Variants in ZNF264 observed in about 807,000 individuals in gnomAD.
The protein encoded by ZNF264 is zinc finger protein 264.
In ZNF264, 11 loss-of-function variants were observed where a neutral mutation model predicts 11.2. The ratio of observed to expected loss-of-function variants is 0.98; its 90% CI spans 0.62 to 1.63. The LOEUF (loss-of-function observed/expected upper bound fraction) is 1.63, where lower values mean the gene tolerates loss of function less well. Ranked by LOEUF, ZNF264 falls within the 40% of genes most tolerant of loss-of-function variation. The pLI is 0.00. For missense variants in ZNF264, 752 were observed against 768.1 expected (o/e 0.98, Z 0.25); for synonymous variants, 309 against 279.8 (o/e 1.10, Z -1.04).
chr19:57,208,588 G>T (rs1227950164), intron 3 of ZNF264, among the ~76,000 whole-genome samples: 1 of 151,496 alleles, frequency 6.6e-6, no homozygotes, highest in Non-Finnish European at 1.5e-5. Context: ...ATGAACCAGA[G>T]GCAAAAAAAA....
rs2087381528 is a variant in ZNF264 at position 57,216,548 on chromosome 19, T to C, written c.*3567T>C. The C allele has an allele frequency of 6.6e-6, 1 of 152,254 alleles. No homozygotes were observed. Among genetic ancestry groups the C allele is most frequent in the African/African-American group, 2.4e-5 (1 of 41,470 alleles). The allele number at this position is 152,254 out of a possible 1,614,324, so 9.4% of individuals were successfully genotyped here. ...TGCCTTTTAATAGTCTTGTCAATAC[T>C]TTACCTGATGTTCTCATAGTGACTC... On this transcript the variant is annotated 3_prime_UTR_variant, in exon 4 of 4. Coordinates refer to ENST00000263095, the MANE Select transcript of ZNF264 (RefSeq NM_003417.5).
chr19:57,212,611 ATAG>A lies in ZNF264; in HGVS notation c.1516_1518del (p.Ser506del). 6.2e-7 allele frequency: 1 copy of A among 1,614,192 alleles called. No homozygotes were observed. The highest frequency in any genetic ancestry group is 8.5e-7 in the Non-Finnish European group (1 of 1,180,038). On this transcript the variant is annotated inframe_deletion, in exon 4 of 4. Transcript: ENST00000263095. Reference sequence around the variant, plus strand: ...GGCCTCACGAGGCACAAGCGGATTCATAGTGGAGAGAAGCCCTATGAATGTGTT... The same window carrying A: ...GGCCTCACGAGGCACAAGCGGATTCATGGAGAGAAGCCCTATGAATGTGTT...
Position 57,200,663 on chromosome 19 carries a change from G to C in ZNF264, c.161-4734G>C, listed in dbSNP as rs112307105. On this transcript the variant is annotated intron_variant, in intron 2 of 3. Transcript: ENST00000263095. ...TCTGTCTTGCTGTCTTGCCCAGGTT[G>C]GAATACAGTGGCACAATCTCGGCTC... Among the ~76,000 whole-genome samples, 733 of 151,634 alleles carry C rather than the reference G, an allele frequency of 4.8e-3. 24 individuals are homozygous for C. The highest frequency in any genetic ancestry group is 0.017 in the African/African-American group (701 of 41,102).
In ZNF264 at chr19:57,205,288, G is replaced by A. The variant is rs554800511; in HGVS notation, c.161-109G>A. The stretch of plus-strand genomic sequence containing the variant: ...CAGCTTTTCATTCCCATGCACAGGA[G>A]CAGCTTCACTCCAAGGTCTGGTCTC... On this transcript the variant is annotated intron_variant, in intron 2 of 3. Transcript: ENST00000263095. 4 of 990,628 alleles carry A rather than the reference G, an allele frequency of 4.0e-6. 1 individual carries two copies. The South Asian group carries it at 5.7e-5, about 14-fold the overall frequency. 61.4% of individuals were successfully genotyped at this position (990,628 alleles called of 1,614,324 possible).
At position 57,217,916 on chromosome 19, in the gene ZNF264, T is replaced by A; in HGVS notation, c.*4935T>A. 1 of 151,016 alleles carries A rather than the reference T, an allele frequency of 6.6e-6. No individual in the cohort carries two copies. The allele number at this position is 151,016 out of a possible 1,614,324, so 9.4% of individuals were successfully genotyped here. On this transcript the variant is annotated 3_prime_UTR_variant, in exon 4 of 4. Coordinates refer to ENST00000263095, the MANE Select transcript of ZNF264 (RefSeq NM_003417.5). ...AAGCGATTCTCCTGCCTCAGCCTCC[T>A]GAGTAGCTGGGATTACAGGTGTGCG...
intron 3 of ZNF264, among the ~76,000 whole-genome samples, chr19:57,210,407 C>A (rs776550220): frequency 6.6e-6 from 1 of 152,204 alleles, no homozygotes; most frequent in Non-Finnish European, 1.5e-5. Context: ...ACAAAATTCT[C>A]TAAAACCTGT....
rs941555833 is a variant in ZNF264, at chr19:57,222,630, G to A, written c.*9649G>A. 1.3e-5 allele frequency: 2 copies of A among 151,850 alleles called. No individual in the cohort carries two copies. Among genetic ancestry groups the A allele is most frequent in the African/African-American group, 2.4e-5 (1 of 41,294 alleles). 9.4% of individuals were successfully genotyped at this position (151,850 alleles called of 1,614,324 possible). ...ATATATATATGGCTATAAGTGGTGC[G>A]ACTTGCAGGTACTCCCTTTGTTCAC... On this transcript the variant is annotated 3_prime_UTR_variant, in exon 4 of 4. Coordinates refer to ENST00000263095, the MANE Select transcript of ZNF264 (RefSeq NM_003417.5).
At chr19:57,208,386 T>C (rs903071366) in intron 3 of ZNF264, among the ~76,000 whole-genome samples, 2 of 151,320 alleles carry the variant, frequency 1.3e-5, no homozygotes, top group African/African-American at 4.9e-5. Flanking sequence ...CTCTGCAAAA[T>C]TAAAAAAATT....
In ZNF264 at chr19:57,211,819, T is replaced by G. The variant is rs748291596; in HGVS notation, c.722T>G (p.Ile241Ser). ...TGCACAGAATGTGGGAAAACCTTTA[T>G]TAAGAGCACACATCTCCTGCAACAT... ...YECTECGKTF[I>S]KSTHLLQHHM... Residue 241 changes from isoleucine (I) to serine (S), a missense_variant, in exon 4 of 4, where the codon ATT (isoleucine) becomes AGT (serine). Ile to Ser is a moderately radical substitution (Grantham distance 142). Coordinates refer to ENST00000263095, the MANE Select transcript of ZNF264 (RefSeq NM_003417.5). The G allele has an allele frequency of 1.7e-5, 28 of 1,614,018 alleles. No homozygotes were observed. Among genetic ancestry groups the G allele is most frequent in the Non-Finnish European group, 2.3e-5 (27 of 1,180,032 alleles).
chr19:57,205,368 A>C, intron 2 of ZNF264, 29 bp from the exon 3 acceptor site: 9 of 1,584,716 alleles, frequency 5.7e-6, no homozygotes, highest in Non-Finnish European at 7.7e-6. Context: ...ACCCACATCC[A>C]TGTGTCCACT....
rs1446749963 is a variant in ZNF264, at chr19:57,209,573, T to A, written c.257-1781T>A. Reference sequence around the variant, plus strand: ...TTTTCTTCATCTTGATCATGTGTATTTGGGGTTTTTTGTTTGTTTTAAGAG... The same window carrying A: ...TTTTCTTCATCTTGATCATGTGTATATGGGGTTTTTTGTTTGTTTTAAGAG... On this transcript the variant is annotated intron_variant, in intron 3 of 3. Transcript: ENST00000263095. 2.0e-5 allele frequency among the ~76,000 whole-genome samples: 3 copies of A among 152,086 alleles called. 1 individual carries two copies. Among genetic ancestry groups the A allele is most frequent in the African/African-American group, 7.2e-5 (3 of 41,418 alleles).
chr19:57,209,185 A>G (rs2087315884), intron 3 of ZNF264, among the ~76,000 whole-genome samples: 1 of 152,014 alleles, frequency 6.6e-6, no homozygotes, highest in East Asian at 1.9e-4. Flanking sequence ...CTAACTTATG[A>G]CTTTTCTTAT....
Position 57,221,001 on chromosome 19 carries a change from T to TG in ZNF264, c.*8022dup, listed in dbSNP as rs1195668645. ...TTTACCATGAAGCTGTGCGTATAGG[T>TG]GGTACCATGTATGACATACCTTGAC... is the stretch of plus-strand genomic sequence containing the variant. On this transcript the variant is annotated 3_prime_UTR_variant, in exon 4 of 4. Transcript: ENST00000263095. 6.6e-6 allele frequency: 1 copy of TG among 152,118 alleles called. No homozygotes were observed. Among genetic ancestry groups the TG allele is most frequent in the African/African-American group, 2.4e-5 (1 of 41,424 alleles). The allele number at this position is 152,118 out of a possible 1,614,324, so 9.4% of individuals were successfully genotyped here.
chr19:57,192,961 C>T (rs1363695661), intron 1 of ZNF264, among the ~76,000 whole-genome samples: 2 of 152,112 alleles, frequency 1.3e-5, no homozygotes, highest in Non-Finnish European at 2.9e-5. Context: ...CAACTCCTGG[C>T]CTCAAGCGAT....
intron 1 of ZNF264, chr19:57,192,373 G>C: frequency 2.0e-6 from 2 of 985,394 alleles, no homozygotes; most frequent in Non-Finnish European, 2.4e-6. Flanking sequence ...CTGAGACGTG[G>C]AGGGCAACAG....
chr19:57,205,655 C>T (rs1469742430), intron 3 of ZNF264, among the ~76,000 whole-genome samples, 163 bp downstream of exon 3: 1 of 152,180 alleles, frequency 6.6e-6, no homozygotes, highest in Non-Finnish European at 1.5e-5. Flanking sequence ...AGCCATGGAG[C>T]CCTTTGACCT....
chr19:57,197,531 A>T (rs2087220778), intron 2 of ZNF264, among the ~76,000 whole-genome samples: 1 of 151,902 alleles, frequency 6.6e-6, no homozygotes, highest in South Asian at 2.1e-4. Flanking sequence ...GCACCATTGG[A>T]TCTGCTGGGT....
Position 57,212,368 on chromosome 19 carries a change from A to G in ZNF264, c.1271A>G (p.Glu424Gly), listed in dbSNP as rs1057332753. 1.9e-6 allele frequency: 3 copies of G among 1,613,958 alleles called. No individual in the cohort carries two copies. Among genetic ancestry groups the G allele is most frequent in the African/African-American group, 2.7e-5 (2 of 74,878 alleles). Reference sequence around the variant, plus strand: ...AGGCACCAGCGGATTCACACTGGGGAGAAGCCCTTCGTGTGCAGTGAATGT... The same window carrying G: ...AGGCACCAGCGGATTCACACTGGGGGGAAGCCCTTCGTGTGCAGTGAATGT... The part of the protein sequence containing the change: ...LKRHQRIHTG[E>G]KPFVCSECGK... Residue 424 changes from glutamate (E) to glycine (G), a missense_variant, in exon 4 of 4, where the codon GAG becomes GGG. Physicochemically the swap from Glu to Gly is moderately conservative, Grantham distance 98 (BLOSUM62 -2). Transcript: ENST00000263095.
At chr19:57,197,709 T>TAGGCCCACTAGGCATTGTGC (rs2087222304) in intron 2 of ZNF264, among the ~76,000 whole-genome samples, 1 of 151,868 alleles carries the variant, frequency 6.6e-6, no homozygotes, top group African/African-American at 2.4e-5. Context: ...AAAAACCAAA[T>TAGGCCCACTAGGCATTGTGC]AGGCCCACTA....
Sources: allele counts gnomAD v4.1 joint callset (sites outside exome capture counted in the v4.1 genomes callset), GRCh38; gene constraint gnomAD v4.1.1; transcripts MANE v1.5; gene names NCBI Gene and HGNC (gene_info 2026-07-23, HGNC 2026-07-21).